The following CA5A variants were observed in gnomAD, a reference collection of about 807,000 sequenced individuals.
The protein encoded by CA5A is carbonic anhydrase 5A.
A neutral mutation model predicts 37.1 loss-of-function variants in CA5A; 28 were observed. That is an observed-to-expected ratio of 0.75 (90% CI 0.56 to 1.03). The LOEUF is 1.03. CA5A is among the 50% of genes least tolerant of loss of function. CA5A has a pLI of 0.00. For missense variants in CA5A, 444 were observed against 399.9 expected (o/e 1.11, Z -0.94); for synonymous variants, 171 against 158.4 (o/e 1.08, Z -0.60).
At chr16:87,883,832 G>T (rs2055627770), downstream of CA5A, 2 of 149,606 alleles carry the variant, frequency 1.3e-5, no homozygotes, top group South Asian at 4.2e-4. Context: ...AGTAGAGACG[G>T]GGCTTCACCG....
At chr16:87,930,039 A>G (rs2056380687) in intron 1 of CA5A, among the ~76,000 whole-genome samples, 1 of 152,150 alleles carries the variant, frequency 6.6e-6, no homozygotes, top group South Asian at 2.1e-4. Flanking sequence ...GTGATGATAG[A>G]TAGTAGGATG....
intron 2 of CA5A, among the ~76,000 whole-genome samples, chr16:87,914,657 C>G (rs115857700): frequency 3.6e-3 from 542 of 151,588 alleles, no homozygotes; most frequent in Middle Eastern, 0.017. Flanking sequence ...GGCTCAGCTA[C>G]TGGCACAGCA....
At chr16:87,922,931 A>G (rs1394454791) in intron 2 of CA5A, among the ~76,000 whole-genome samples, 3 of 152,226 alleles carry the variant, frequency 2.0e-5, no homozygotes, top group Non-Finnish European at 2.9e-5. Flanking sequence ...TCACATCTGT[A>G]AAATGGGGAC....
chr16:87,887,442 T>G (rs1392149091), downstream of CA5A: 7 of 151,174 alleles, frequency 4.6e-5, no homozygotes, highest in Non-Finnish European at 7.4e-5. Flanking sequence ...GAGACAGAGT[T>G]TTGCTCTTGT....
chr16:87,924,108 G>A (rs1301308473), intron 2 of CA5A: 8 of 985,280 alleles, frequency 8.1e-6, no homozygotes, highest in Non-Finnish European at 8.4e-6. Flanking sequence ...CCCCGAAGCT[G>A]GCCTGGTTTG....
chr16:87,916,865 G>A (rs1229501443), intron 2 of CA5A, among the ~76,000 whole-genome samples: 2 of 152,148 alleles, frequency 1.3e-5, no homozygotes, highest in African/African-American at 2.4e-5. Flanking sequence ...CACTTTGGGA[G>A]GCCGAGGCAG....
At chr16:87,931,232 C>A (rs991245685) in intron 1 of CA5A, among the ~76,000 whole-genome samples, 2 of 151,410 alleles carry the variant, frequency 1.3e-5, no homozygotes, top group Admixed American at 6.6e-5. Flanking sequence ...CTGCCTCAGT[C>A]TCCCGAGTAG....
At chr16:87,929,871 CAAAAAAAAAAAAAAA>C (rs58941982) in intron 1 of CA5A, among the ~76,000 whole-genome samples, 1 of 62,368 alleles carries the variant, frequency 1.6e-5, no homozygotes, top group South Asian at 7.9e-4. Context: ...GACTCCGTCT[CAAAAAAAAAAAAAAA>C]AAAAAAAAAA....
chr16:87,924,180 C>T (rs1302673335), intron 2 of CA5A: 2 of 985,318 alleles, frequency 2.0e-6, no homozygotes, highest in Non-Finnish European at 2.4e-6. Flanking sequence ...CTTGTCCTTC[C>T]AAGAAGTTGC....
chr16:87,906,819 C>T (rs943242403), intron 2 of CA5A, among the ~76,000 whole-genome samples: 2 of 152,166 alleles, frequency 1.3e-5, no homozygotes, highest in Admixed American at 6.5e-5. Flanking sequence ...TAAAATTCTA[C>T]CATTATGAGC....
chr16:87,929,536 G>C (rs182817639), intron 1 of CA5A, among the ~76,000 whole-genome samples: 1 of 150,662 alleles, frequency 6.6e-6, no homozygotes, highest in Non-Finnish European at 1.5e-5. Context: ...GCTGTGTTTT[G>C]TTCTTTAATC....
At chr16:87,935,433 G>C (rs1408032604) in intron 1 of CA5A, among the ~76,000 whole-genome samples, 1 of 152,224 alleles carries the variant, frequency 6.6e-6, no homozygotes, top group African/African-American at 2.4e-5. Context: ...TGACTGGTTA[G>C]TGCAGCCCAT....
downstream of CA5A, chr16:87,884,694 A>T (rs2055635141): frequency 6.6e-6 from 1 of 152,128 alleles, no homozygotes; most frequent in African/African-American, 2.4e-5. Flanking sequence ...AGATCGTGAC[A>T]TTGCACTCTA....
At chr16:87,927,621 G>A (rs144276394) in intron 1 of CA5A, among the ~76,000 whole-genome samples, 363 of 152,286 alleles carry the variant, frequency 2.4e-3, no homozygotes, top group Non-Finnish European at 3.8e-3. Flanking sequence ...CAGCATTTTC[G>A]GAAGCAAGGT....
chr16:87,897,005 AC>A (rs2055812350), intron 5 of CA5A, among the ~76,000 whole-genome samples: 2 of 152,250 alleles, frequency 1.3e-5, no homozygotes, highest in South Asian at 4.1e-4. Flanking sequence ...ACCCAGCCTA[AC>A]TCCGCCCTTG....
chr16:87,894,633 T>C (rs55897873), intron 5 of CA5A, among the ~76,000 whole-genome samples: 30,387 of 149,942 alleles, frequency 0.2, 3,237 homozygotes, highest in South Asian at 0.28. Context: ...AATCGCAGCA[T>C]TTTGGGAGGC....
chr16:87,914,399 CA>C (rs2144013056), intron 2 of CA5A, among the ~76,000 whole-genome samples: 1 of 152,292 alleles, frequency 6.6e-6, no homozygotes, highest in Non-Finnish European at 1.5e-5. Context: ...GCATATTGAC[CA>C]AAACACTCAG....
intron 6 of CA5A, 72 bp downstream of exon 6, chr16:87,891,727 C>T (rs939500282): frequency 7.7e-7 from 1 of 1,300,968 alleles, no homozygotes; most frequent in South Asian, 1.7e-5. Context: ...CATGCAGCAT[C>T]TTAGTGACGC....
chr16:87,918,691 T>G (rs1412885251), intron 2 of CA5A, among the ~76,000 whole-genome samples: 1 of 152,246 alleles, frequency 6.6e-6, no homozygotes, highest in Non-Finnish European at 1.5e-5. Flanking sequence ...TTATGGGCAC[T>G]GCCCCTCCTT....
Sources: gnomAD v4.1 joint callset for allele counts (sites outside exome capture counted in the v4.1 genomes callset) on GRCh38, gnomAD v4.1.1 for gene constraint, MANE v1.5 for transcripts, NCBI Gene and HGNC (gene_info 2026-07-23, HGNC 2026-07-21) for gene names.